Variants in ZNF804B observed in about 807,000 individuals in gnomAD.
The protein encoded by ZNF804B is zinc finger protein 804B.
In ZNF804B, 80 loss-of-function variants were observed where a neutral mutation model predicts 101.4. The observed-to-expected ratio is 0.79, with a 90% CI of 0.66 to 0.95. ZNF804B has a LOEUF of 0.95. Among genes scored for constraint, ZNF804B ranks in the 40% least tolerant of loss-of-function variants. The pLI, the probability that ZNF804B is intolerant of heterozygous loss-of-function variation, is 0.00. For missense variants in ZNF804B, 1,673 were observed against 1,561.9 expected (o/e 1.07, Z -1.20); for synonymous variants, 622 against 558.8 (o/e 1.11, Z -1.59).
intron 1 of ZNF804B, among the ~76,000 whole-genome samples, chr7:88,769,360 T>A (rs1392531991): frequency 6.6e-6 from 1 of 152,206 alleles, no homozygotes; most frequent in Non-Finnish European, 1.5e-5. Context: ...TTTTTATCAC[T>A]TTAAGATCTA....
chr7:89,120,948 A>G (rs1252980319), intron 1 of ZNF804B, among the ~76,000 whole-genome samples: 2 of 152,260 alleles, frequency 1.3e-5, no homozygotes, highest in African/African-American at 4.8e-5. Context: ...CAACAAAAAT[A>G]TAGCCACTAT....
At chr7:88,896,564 G>A (rs1288077889) in intron 1 of ZNF804B, among the ~76,000 whole-genome samples, 1 of 152,042 alleles carries the variant, frequency 6.6e-6, no homozygotes, top group African/African-American at 2.4e-5. Context: ...TATACTTCAT[G>A]TATGATTTTG....
chr7:89,148,530 A>C (rs1190108846), intron 1 of ZNF804B, among the ~76,000 whole-genome samples: 1 of 152,150 alleles, frequency 6.6e-6, no homozygotes, highest in Admixed American at 6.6e-5. Flanking sequence ...AATGTCACTT[A>C]TACTATTTGA....
chr7:88,823,782 G>T (rs1791017082), intron 1 of ZNF804B, among the ~76,000 whole-genome samples: 1 of 152,108 alleles, frequency 6.6e-6, no homozygotes, highest in Non-Finnish European at 1.5e-5. Flanking sequence ...GAAAAGGAAG[G>T]TGTTTGCTTA....
At chr7:89,084,267 T>C (rs947881556) in intron 1 of ZNF804B, among the ~76,000 whole-genome samples, 3 of 151,906 alleles carry the variant, frequency 2.0e-5, no homozygotes, top group African/African-American at 7.2e-5. Context: ...AGCAGAATCT[T>C]AGAATCCTTA....
intron 1 of ZNF804B, among the ~76,000 whole-genome samples, chr7:89,155,337 G>A (rs1003713287): frequency 6.6e-6 from 1 of 151,962 alleles, no homozygotes; most frequent in Admixed American, 6.6e-5. Flanking sequence ...TTCCACTTTC[G>A]AACAGCCTCT....
intron 1 of ZNF804B, among the ~76,000 whole-genome samples, chr7:88,956,627 G>T (rs1318169917): frequency 6.6e-6 from 1 of 150,954 alleles, no homozygotes. Flanking sequence ...TCTGAAAGCA[G>T]AAAAAATTAC....
At chr7:89,144,286 C>T (rs1314742385) in intron 1 of ZNF804B, among the ~76,000 whole-genome samples, 1 of 151,766 alleles carries the variant, frequency 6.6e-6, no homozygotes, top group African/African-American at 2.4e-5. Context: ...TACAAATAGT[C>T]GTAAGCTTTA....
intron 1 of ZNF804B, among the ~76,000 whole-genome samples, chr7:88,954,081 T>C (rs17374213): frequency 2.6e-5 from 4 of 151,796 alleles, no homozygotes; most frequent in Admixed American, 6.6e-5. Flanking sequence ...CATTTGAAAG[T>C]TTGACTGATT....
At chr7:89,255,239 G>A (rs763265622) in intron 2 of ZNF804B, among the ~76,000 whole-genome samples, 2 of 152,098 alleles carry the variant, frequency 1.3e-5, no homozygotes, top group Non-Finnish European at 2.9e-5. Flanking sequence ...AGACTCACTC[G>A]CTATTATGAG....
At chr7:89,124,740 C>T (rs1790454718) in intron 1 of ZNF804B, among the ~76,000 whole-genome samples, 2 of 152,020 alleles carry the variant, frequency 1.3e-5, no homozygotes, top group Admixed American at 1.3e-4. Context: ...AGGTAAAGGT[C>T]AATAGAGACT....
At position 89,164,739 on chromosome 7, in the gene ZNF804B, C is replaced by T. The variant is rs1271224021; in HGVS notation, c.109-53416C>T. Among the ~76,000 whole-genome samples, 2 of 152,042 alleles carry T rather than the reference C, an allele frequency of 1.3e-5. 1 individual carries two copies. The highest frequency in any genetic ancestry group is 4.8e-5 in the African/African-American group (2 of 41,432). ...AAAATTTCTTCTTTCATGTTGTAAT[C>T]ATATAATTTGGATGTATTAGATACA... On this transcript the variant is annotated intron_variant, in intron 1 of 3. Transcript: ENST00000333190.
chr7:89,215,047 A>G (rs1345326278), intron 1 of ZNF804B, among the ~76,000 whole-genome samples: 1 of 152,152 alleles, frequency 6.6e-6, no homozygotes, highest in African/African-American at 2.4e-5. Context: ...CTATGTTTGT[A>G]TGTTTTGTGG....
chr7:88,895,226 A>G (rs1792268210), intron 1 of ZNF804B, among the ~76,000 whole-genome samples: 1 of 152,346 alleles, frequency 6.6e-6, no homozygotes, highest in African/African-American at 2.4e-5. Context: ...GAAATTTAAC[A>G]ATTATGAAAT....
intron 1 of ZNF804B, among the ~76,000 whole-genome samples, chr7:89,053,064 A>G (rs1789233732): frequency 1.3e-5 from 2 of 152,184 alleles, no homozygotes; most frequent in African/African-American, 4.8e-5. Context: ...ATACAATTTA[A>G]TTCAGGTATA....
chr7:89,156,048 C>CT (rs1456390092), intron 1 of ZNF804B, among the ~76,000 whole-genome samples: 1 of 85,810 alleles, frequency 1.2e-5, no homozygotes, highest in Non-Finnish European at 2.7e-5. Flanking sequence ...TTCTTTCTTT[C>CT]TTTCTTTCTT....
intron 1 of ZNF804B, among the ~76,000 whole-genome samples, chr7:89,061,092 T>C (rs1362691041): frequency 1.3e-5 from 2 of 152,138 alleles, no homozygotes; most frequent in African/African-American, 4.8e-5. Context: ...ATGGTTTGTC[T>C]GCTCGTAACT....
chr7:89,231,739 A>G (rs1283818780), intron 2 of ZNF804B, among the ~76,000 whole-genome samples: 1 of 152,052 alleles, frequency 6.6e-6, no homozygotes, highest in Non-Finnish European at 1.5e-5. Context: ...TTGCCACTAC[A>G]TGAATATCCA....
chr7:88,839,355 G>T (rs554094292), intron 1 of ZNF804B, among the ~76,000 whole-genome samples: 1 of 151,540 alleles, frequency 6.6e-6, no homozygotes, highest in South Asian at 2.1e-4. Flanking sequence ...CCATAAATTC[G>T]TTATGTTATC....
Sources: gnomAD v4.1 joint callset for allele counts (sites outside exome capture counted in the v4.1 genomes callset) on GRCh38, gnomAD v4.1.1 for gene constraint, MANE v1.5 for transcripts, NCBI Gene and HGNC (gene_info 2026-07-23, HGNC 2026-07-21) for gene names.